Variants in MICAL3 observed in about 807,000 individuals in gnomAD.
MICAL3 encodes [F-actin]-monooxygenase MICAL3.
MICAL3 carries 62 observed loss-of-function variants against 207.4 expected under a neutral mutation model. The ratio of observed to expected loss-of-function variants is 0.30; its 90% CI spans 0.24 to 0.37. The LOEUF (loss-of-function observed/expected upper bound fraction) is 0.37. Among genes scored for constraint, MICAL3 ranks in the 10% least tolerant of loss-of-function variants. The pLI, the probability that MICAL3 is intolerant of heterozygous loss-of-function variation, is 1.00. For missense variants in MICAL3, 2,368 were observed against 2,635.6 expected, an observed-to-expected ratio of 0.90 and a Z score of 2.22; for synonymous variants, 1,077 against 1,069.3, an observed-to-expected ratio of 1.01 and a Z score of -0.14.
chr22:17,975,939 A>G (rs115249679), intron 1 of MICAL3, among the ~76,000 whole-genome samples: 3,055 of 152,094 alleles, frequency 0.02, 105 homozygotes, highest in African/African-American at 0.069. Context: ...TAATCCCACT[A>G]CTCAGGAGGC....
At chr22:17,968,864 T>C (rs549874974) in intron 1 of MICAL3, among the ~76,000 whole-genome samples, 85 of 152,318 alleles carry the variant, frequency 5.6e-4, no homozygotes, top group African/African-American at 2.0e-3. Flanking sequence ...GAATTCAACA[T>C]TTTAAATAGA....
chr22:17,976,565 A>G (rs942427080), intron 1 of MICAL3, among the ~76,000 whole-genome samples: 20,265 of 86,730 alleles, frequency 0.23, 2,191 homozygotes, highest in African/African-American at 0.27. Context: ...GTGTGTGTAT[A>G]TATATATATA....
chr22:17,837,096 G>C (rs1923477780), intron 20 of MICAL3, among the ~76,000 whole-genome samples: 1 of 152,242 alleles, frequency 6.6e-6, no homozygotes. Flanking sequence ...TCCTGCTGAG[G>C]AGGCGGCTGG....
At chr22:17,879,998 A>G (rs569148958) in intron 16 of MICAL3, among the ~76,000 whole-genome samples, 1 of 152,344 alleles carries the variant, frequency 6.6e-6, no homozygotes, top group South Asian at 2.1e-4. Flanking sequence ...TCATCCGAGG[A>G]GCCAGAAGCG....
intron 1 of MICAL3, among the ~76,000 whole-genome samples, chr22:18,021,795 TTTGTTGTCCACA>T (rs1448631432): frequency 6.6e-6 from 1 of 152,190 alleles, no homozygotes; most frequent in African/African-American, 2.4e-5. Flanking sequence ...CACATTAAGC[TTTGTTGTCCACA>T]TTGGGTGGGT....
At chr22:17,885,015 T>C (rs1269086594) in intron 16 of MICAL3, among the ~76,000 whole-genome samples, 3 of 152,180 alleles carry the variant, frequency 2.0e-5, no homozygotes, top group Non-Finnish European at 4.4e-5. Flanking sequence ...CAGTTATCAT[T>C]GAGATTTATG....
At chr22:17,998,619 G>C (rs1922588256) in intron 1 of MICAL3, among the ~76,000 whole-genome samples, 1 of 150,932 alleles carries the variant, frequency 6.6e-6, no homozygotes, top group Admixed American at 6.6e-5. Flanking sequence ...GCAGTGGCGT[G>C]ATCTTGGCTC....
chr22:18,021,961 A>G (rs982467328), intron 1 of MICAL3, among the ~76,000 whole-genome samples: 2 of 152,110 alleles, frequency 1.3e-5, no homozygotes, highest in African/African-American at 4.8e-5. Context: ...ACTTAACCCA[A>G]ATGAAAGCGA....
chr22:17,913,041 T>C (rs775699112), intron 1 of MICAL3, among the ~76,000 whole-genome samples: 6 of 152,206 alleles, frequency 3.9e-5, no homozygotes, highest in Non-Finnish European at 7.3e-5. Context: ...TGAGAAGGTA[T>C]TGAATCCACA....
intron 11 of MICAL3, among the ~76,000 whole-genome samples, chr22:17,893,482 T>C (rs932897489): frequency 2.6e-5 from 4 of 152,134 alleles, no homozygotes; most frequent in Non-Finnish European, 5.9e-5. Context: ...CTCTCTCCCC[T>C]CTGCCCCGCG....
chr22:17,856,134 A>C (rs1271564280), intron 19 of MICAL3, among the ~76,000 whole-genome samples: 1 of 152,246 alleles, frequency 6.6e-6, no homozygotes, highest in Non-Finnish European at 1.5e-5. Flanking sequence ...TGCTGCCGCT[A>C]CTGTGTGTCT....
At chr22:17,862,258 T>G (rs1307439692) in intron 19 of MICAL3, 2 of 984,730 alleles carry the variant, frequency 2.0e-6, no homozygotes, top group Non-Finnish European at 2.4e-6. Flanking sequence ...CTTTCCCTTT[T>G]CTTCTTTTTT....
chr22:17,818,051 GAGTCCTC>G lies in MICAL3; in HGVS notation c.4603_4609del (p.Glu1535GlnfsTer68). 1 of 1,612,992 alleles carries G rather than the reference GAGTCCTC, an allele frequency of 6.2e-7. No homozygotes were observed. The stretch of plus-strand genomic sequence containing the variant: ...CGTGAAGAATTTCTCCTGCAGGCTT[GAGTCCTC>G]AGTCTTGTCGTCATAGGTGTCCTCC... On this transcript the variant is annotated frameshift_variant, in exon 26 of 32. Transcript: ENST00000441493. LOFTEE classifies it high-confidence loss of function.
chr22:17,956,383 T>C (rs1158884222), intron 1 of MICAL3, among the ~76,000 whole-genome samples: 2 of 152,170 alleles, frequency 1.3e-5, no homozygotes, highest in Non-Finnish European at 2.9e-5. Flanking sequence ...CAGAAATCCA[T>C]GCACTACCGG....
At chr22:17,910,669 A>G (rs570330821) in intron 1 of MICAL3, among the ~76,000 whole-genome samples, 22 of 152,244 alleles carry the variant, frequency 1.4e-4, no homozygotes, top group African/African-American at 5.3e-4. Context: ...CTGAATGATG[A>G]CTGCAGCGCA....
chr22:17,802,395 C>T (rs563304703), intron 29 of MICAL3, among the ~76,000 whole-genome samples: 14 of 152,236 alleles, frequency 9.2e-5, no homozygotes, highest in African/African-American at 3.4e-4. Flanking sequence ...TAAACACTCC[C>T]GAGGTGGTGT....
intron 1 of MICAL3, among the ~76,000 whole-genome samples, chr22:17,936,193 T>C (rs993147040): frequency 2.0e-5 from 3 of 152,206 alleles, no homozygotes; most frequent in Admixed American, 6.5e-5. Flanking sequence ...CCATCAATTA[T>C]AGACTGGATT....
chr22:17,921,138 A>G (rs1280967205), intron 1 of MICAL3, among the ~76,000 whole-genome samples: 1 of 152,178 alleles, frequency 6.6e-6, no homozygotes, highest in African/African-American at 2.4e-5. Context: ...GGGACATAAG[A>G]CAGAACTCAA....
At chr22:17,872,084 C>A in intron 16 of MICAL3, 61 bp from the exon 17 acceptor site, 1 of 1,448,662 alleles carries the variant, frequency 6.9e-7, no homozygotes, top group South Asian at 1.3e-5. Flanking sequence ...ACAGGCCCTC[C>A]TAGAGGCACA....
Sources: allele counts gnomAD v4.1 joint callset (sites outside exome capture counted in the v4.1 genomes callset), GRCh38; gene constraint gnomAD v4.1.1; transcripts MANE v1.5; gene names NCBI Gene and HGNC (gene_info 2026-07-23, HGNC 2026-07-21).